ENOX2: variants seen among roughly 807,000 people sequenced by gnomAD.
ENOX2 encodes the protein APK1 antigen.
Under a neutral mutation model 45.0 loss-of-function variants are expected in ENOX2, and 36 were observed. The ratio of observed to expected loss-of-function variants is 0.80; its 90% CI spans 0.61 to 1.06. ENOX2 has a LOEUF of 1.06. Among genes scored for constraint, ENOX2 ranks in the 50% least tolerant of loss-of-function variants. The probability of loss-of-function intolerance (pLI) is 0.00; values close to 1 mark genes in which losing one functional copy is unlikely to be tolerated. For missense variants in ENOX2, 423 were observed against 462.5 expected (o/e 0.91, Z 0.78); for synonymous variants, 174 against 152.3 (o/e 1.14, Z -1.05).
chrX:130,755,015 T>A lies in ENOX2; in HGVS notation c.-39+28532A>T, dbSNP rs181000139. Among the ~76,000 whole-genome samples, 4 of 112,179 alleles carry A rather than the reference T, an allele frequency of 3.6e-5. No individual in the cohort carries two copies. The East Asian group carries it at 1.1e-3, about 31-fold the overall frequency. On this transcript the variant is annotated intron_variant, in intron 3 of 14. Coordinates refer to ENST00000394363, the MANE Select transcript of ENOX2 (RefSeq NM_006375.4). ...GAGTTAAGGGACAGACTGCATCACA[T>A]AAAATATAGAGTCTGAACAGATTGT...
chrX:130,649,372 A>G (rs2036340777), intron 10 of ENOX2, among the ~76,000 whole-genome samples: 1 of 111,257 alleles, frequency 9.0e-6, no homozygotes, highest in African/African-American at 3.3e-5. Flanking sequence ...CCTAAAAGGA[A>G]GCTGCCTTTA....
chrX:130,760,467 T>C (rs2039455774), intron 3 of ENOX2, among the ~76,000 whole-genome samples: 1 of 110,815 alleles, frequency 9.0e-6, no homozygotes, highest in Admixed American at 9.7e-5. Context: ...CATACAATGT[T>C]AGCTGTAGGT....
intron 10 of ENOX2, among the ~76,000 whole-genome samples, chrX:130,640,538 G>A (rs1364328781): frequency 8.9e-6 from 1 of 112,648 alleles, no homozygotes; most frequent in Non-Finnish European, 1.9e-5. Context: ...TAAAGAAAAT[G>A]TGGTACATAT....
At chrX:130,820,793 C>G (rs1302282402) in intron 2 of ENOX2, among the ~76,000 whole-genome samples, 1 of 111,658 alleles carries the variant, frequency 9.0e-6, no homozygotes, top group Non-Finnish European at 1.9e-5. Flanking sequence ...ATGGTGGTTA[C>G]CAGGAAGTGG....
At chrX:130,747,798 T>C (rs1475575708) in intron 3 of ENOX2, among the ~76,000 whole-genome samples, 1 of 112,521 alleles carries the variant, frequency 8.9e-6, no homozygotes, top group Non-Finnish European at 1.9e-5. Context: ...ATTACTCAGA[T>C]CTACCAAGTC....
At chrX:130,712,912 G>T (rs1356602128) in intron 3 of ENOX2, among the ~76,000 whole-genome samples, 1 of 112,003 alleles carries the variant, frequency 8.9e-6, no homozygotes, top group East Asian at 2.8e-4. Flanking sequence ...CTGCAGACCT[G>T]TATGGATTTG....
chrX:130,852,811 A>G (rs754423595), intron 2 of ENOX2, among the ~76,000 whole-genome samples: 1 of 111,441 alleles, frequency 9.0e-6, no homozygotes, highest in Non-Finnish European at 1.9e-5. Context: ...GAAATATACC[A>G]TTTCAATGAC....
chrX:130,808,795 C>T (rs913075729), intron 2 of ENOX2, among the ~76,000 whole-genome samples: 1 of 111,702 alleles, frequency 9.0e-6, no homozygotes, highest in Non-Finnish European at 1.9e-5. Context: ...TTATGTTCTC[C>T]AAGCACTTTC....
intron 3 of ENOX2, among the ~76,000 whole-genome samples, chrX:130,775,992 A>T (rs923979724): frequency 4.5e-5 from 5 of 111,701 alleles, no homozygotes; most frequent in Admixed American, 2.8e-4. Flanking sequence ...TCTAATAATA[A>T]GTGTCAAATT....
chrX:130,679,104 A>C (rs1215378205), intron 6 of ENOX2, among the ~76,000 whole-genome samples: 2 of 111,511 alleles, frequency 1.8e-5, no homozygotes, highest in Admixed American at 9.5e-5. Context: ...CAGAGTGGGG[A>C]GACAGGTCAG....
intron 3 of ENOX2, among the ~76,000 whole-genome samples, chrX:130,747,265 TTTTTG>T (rs992162389): frequency 9.0e-6 from 1 of 110,920 alleles, no homozygotes; most frequent in Non-Finnish European, 1.9e-5. Flanking sequence ...GTCTACTAAG[TTTTTG>T]TTTTTTTTTT....
chrX:130,688,796 G>A, intron 5 of ENOX2, 67 bp downstream of exon 5: 2 of 881,897 alleles, frequency 2.3e-6, no homozygotes, highest in Admixed American at 3.0e-5. Context: ...ATTCTTTTGA[G>A]AAAGAAGAAA....
intron 10 of ENOX2, among the ~76,000 whole-genome samples, chrX:130,638,942 A>G (rs2036008740): frequency 9.0e-6 from 1 of 111,242 alleles, no homozygotes; most frequent in African/African-American, 3.3e-5. Context: ...AGCTGAGATC[A>G]CGCCACTACA....
chrX:130,897,179 A>G (rs1178313172), intron 2 of ENOX2, among the ~76,000 whole-genome samples: 2 of 112,179 alleles, frequency 1.8e-5, no homozygotes, highest in Non-Finnish European at 3.8e-5. Context: ...CCCAAATGAC[A>G]CAGAATTTCA....
intron 2 of ENOX2, among the ~76,000 whole-genome samples, chrX:130,835,828 C>T (rs184372766): frequency 1.1e-3 from 119 of 112,203 alleles, no homozygotes; most frequent in African/African-American, 3.7e-3. Context: ...CATAAATTAC[C>T]ATGAATGTTT....
At chrX:130,799,662 T>C (rs2077185910) in intron 2 of ENOX2, among the ~76,000 whole-genome samples, 1 of 111,174 alleles carries the variant, frequency 9.0e-6, no homozygotes, top group Admixed American at 9.6e-5. Flanking sequence ...AGTTGAAACA[T>C]GTGATCTGCC....
intron 4 of ENOX2, among the ~76,000 whole-genome samples, chrX:130,701,319 C>T (rs777249463): frequency 9.1e-6 from 1 of 109,972 alleles, no homozygotes; most frequent in Non-Finnish European, 1.9e-5. Context: ...CTCAGGGACA[C>T]TCCACAATAT....
In ENOX2 at chrX:130,771,028, T is replaced by C. The variant is rs771868715; in HGVS notation, c.-39+12519A>G. Among the ~76,000 whole-genome samples the C allele has an allele frequency of 1.7e-3, 195 of 111,697 alleles. 2 individuals carry two copies. Among genetic ancestry groups the C allele is most frequent in the Non-Finnish European group, 2.5e-3 (135 of 53,090 alleles). The stretch of plus-strand genomic sequence containing the variant: ...GTATCCATCAACAGGAGGATCTCAA[T>C]AGTAAATTTCCCAACCTCTGATATG... On this transcript the variant is annotated intron_variant, in intron 3 of 14. Coordinates refer to ENST00000394363, the MANE Select transcript of ENOX2 (RefSeq NM_006375.4).
intron 2 of ENOX2, among the ~76,000 whole-genome samples, chrX:130,891,966 A>G (rs2078993665): frequency 8.9e-6 from 1 of 111,995 alleles, no homozygotes; most frequent in South Asian, 3.7e-4. Flanking sequence ...TATGGACAAT[A>G]CAGTTAACCA....
Sources: gnomAD v4.1 joint callset for allele counts (sites outside exome capture counted in the v4.1 genomes callset) on GRCh38, gnomAD v4.1.1 for gene constraint, MANE v1.5 for transcripts, NCBI Gene and HGNC (gene_info 2026-07-23, HGNC 2026-07-21) for gene names.